TTLL11: variants seen among roughly 807,000 people sequenced by gnomAD.
TTLL11 encodes the protein tubulin polyglutamylase TTLL11.
A neutral mutation model predicts 51.7 loss-of-function variants in TTLL11; 42 were observed. The observed-to-expected ratio is 0.81, with a 90% CI of 0.64 to 1.05. TTLL11 has a LOEUF of 1.05. Ranked by LOEUF, TTLL11 falls within the 50% of genes least tolerant of loss-of-function variation. The pLI, the probability that TTLL11 is intolerant of heterozygous loss-of-function variation, is 0.00. For synonymous variants in TTLL11, 381 were observed against 383.5 expected, an observed-to-expected ratio of 0.99 and a Z score of 0.08; for missense variants, 799 against 940.4, an observed-to-expected ratio of 0.85 and a Z score of 1.97.
intron 8 of TTLL11, among the ~76,000 whole-genome samples, chr9:121,843,878 G>A (rs10985413): frequency 2.0e-5 from 3 of 151,966 alleles, no homozygotes; most frequent in African/African-American, 4.8e-5. Context: ...CTCACTGTGC[G>A]GCGTAAGCTG....
intron 1 of TTLL11, 33 bp from the exon 2 acceptor site, chr9:122,039,401 A>G (rs527402762): frequency 1.3e-6 from 2 of 1,562,068 alleles, no homozygotes; most frequent in Admixed American, 3.3e-5. Flanking sequence ...CGCAATAAGA[A>G]TAAGAAGAGC....
intron 8 of TTLL11, among the ~76,000 whole-genome samples, chr9:121,837,217 G>A (rs1837205069): frequency 7.0e-6 from 1 of 142,670 alleles, no homozygotes; most frequent in Admixed American, 6.9e-5. Context: ...TTCTTTTTTT[G>A]ATATTGTGAA....
chr9:122,016,628 A>G (rs563872765), intron 3 of TTLL11, among the ~76,000 whole-genome samples: 5 of 152,318 alleles, frequency 3.3e-5, no homozygotes, highest in Middle Eastern at 3.4e-3. Flanking sequence ...CAAATAATGC[A>G]CTTCATTCAG....
intron 8 of TTLL11, among the ~76,000 whole-genome samples, chr9:121,832,696 T>C (rs1369317688): frequency 6.6e-6 from 1 of 152,126 alleles, no homozygotes; most frequent in Non-Finnish European, 1.5e-5. Context: ...TCCCAGCACT[T>C]TGAGAGGCCA....
chr9:121,888,544 T>C (rs1196003497), intron 6 of TTLL11, among the ~76,000 whole-genome samples: 2 of 152,200 alleles, frequency 1.3e-5, no homozygotes, highest in Non-Finnish European at 2.9e-5. Flanking sequence ...AGCAACAGCA[T>C]GGGGCCAGGC....
intron 1 of TTLL11, among the ~76,000 whole-genome samples, chr9:122,044,972 G>A (rs747984377): frequency 1.1e-4 from 16 of 151,964 alleles, no homozygotes; most frequent in Non-Finnish European, 1.3e-4. Context: ...GCTGGGCATC[G>A]TGGCATGCCT....
intron 6 of TTLL11, among the ~76,000 whole-genome samples, chr9:121,882,028 C>T (rs7038220): frequency 0.47 from 71,367 of 152,062 alleles, 17,381 homozygotes; most frequent in East Asian, 0.84. Flanking sequence ...CTCCCTATGT[C>T]GCAGCATTGT....
intron 8 of TTLL11, among the ~76,000 whole-genome samples, chr9:121,835,306 G>A (rs1214102824): frequency 1.3e-5 from 2 of 152,120 alleles, no homozygotes; most frequent in African/African-American, 2.4e-5. Flanking sequence ...AGAAAGTGCT[G>A]AGCTCAGGGA....
At position 121,826,515 on chromosome 9, in the gene TTLL11, G is replaced by GTGTGTGTGTATATATATATGTGTGTATA. The variant is rs1424855550; in HGVS notation, c.1841-3637_1841-3636insTATACACACATATATATATACACACACA. 3.8e-4 allele frequency among the ~76,000 whole-genome samples: 13 copies of GTGTGTGTGTATATATATATGTGTGTATA among 34,452 alleles called. No individual in the cohort carries two copies. The East Asian group carries it at 9.3e-3, about 25-fold the overall frequency. 22.6% of individuals were successfully genotyped at this position (34,452 alleles called of 152,430 possible). On this transcript the variant is annotated intron_variant, in intron 8 of 8. Coordinates refer to ENST00000321582, the MANE Select transcript of TTLL11 (RefSeq NM_001139442.2). ...TATATGTGTGTGTATATATATATAT[G>GTGTGTGTGTATATATATATGTGTGTATA]TATATATATATATGTGTGTGTGTAT...
intron 6 of TTLL11, among the ~76,000 whole-genome samples, chr9:121,966,256 A>C (rs553482963): frequency 2.0e-5 from 3 of 152,300 alleles, no homozygotes; most frequent in South Asian, 2.1e-4. Flanking sequence ...TGTTCCAAAT[A>C]TATACCTCTG....
In TTLL11 at chr9:121,995,164, G is replaced by T. The variant is rs761494657; in HGVS notation, c.694-5394C>A. Among the ~76,000 whole-genome samples the T allele has an allele frequency of 6.6e-6, 1 of 152,170 alleles. No homozygotes were observed. Among genetic ancestry groups the T allele is most frequent in the Non-Finnish European group, 1.5e-5 (1 of 68,030 alleles). On this transcript the variant is annotated intron_variant, in intron 3 of 8. Transcript: ENST00000321582. The surrounding 1 kb of genome is among the most constrained non-coding windows in gnomAD (Gnocchi z 4.4). Reference sequence around the variant, plus strand: ...GCCCCCAAGGATGGCCAAGGCCCTCGCAATGGGCCAGATTATCCAGAGACA... The same window carrying T: ...GCCCCCAAGGATGGCCAAGGCCCTCTCAATGGGCCAGATTATCCAGAGACA...
At chr9:121,922,368 G>A (rs1210797986) in intron 6 of TTLL11, among the ~76,000 whole-genome samples, 1 of 152,156 alleles carries the variant, frequency 6.6e-6, no homozygotes, top group Admixed American at 6.5e-5. Flanking sequence ...AGGTGTCAAT[G>A]TTGAATTTTT....
At chr9:121,943,570 A>G (rs1473787100) in intron 6 of TTLL11, among the ~76,000 whole-genome samples, 3 of 152,224 alleles carry the variant, frequency 2.0e-5, no homozygotes, top group South Asian at 2.1e-4. Flanking sequence ...TCAGATCTTC[A>G]TGGTTGCTCA....
intron 1 of TTLL11, among the ~76,000 whole-genome samples, chr9:122,041,037 T>A (rs753598595): frequency 9.8e-5 from 15 of 152,304 alleles, no homozygotes; most frequent in Middle Eastern, 6.8e-3. Context: ...CAACACCTTG[T>A]CAGTGGGCAA....
chr9:121,940,419 C>A (rs759041087), intron 6 of TTLL11, among the ~76,000 whole-genome samples: 1 of 151,894 alleles, frequency 6.6e-6, no homozygotes, highest in African/African-American at 2.4e-5. Flanking sequence ...CTCACCACAA[C>A]CTCTGCCTCC....
intron 1 of TTLL11, among the ~76,000 whole-genome samples, chr9:122,083,809 C>T (rs1350076174): frequency 6.6e-6 from 1 of 150,422 alleles, no homozygotes; most frequent in Non-Finnish European, 1.5e-5. Context: ...GACTCTATCT[C>T]GAAAAAAAAG....
intron 6 of TTLL11, among the ~76,000 whole-genome samples, chr9:121,941,490 C>T (rs1014275794): frequency 2.6e-5 from 4 of 152,230 alleles, no homozygotes; most frequent in Non-Finnish European, 5.9e-5. Flanking sequence ...TTCTTTTCTT[C>T]TCCTGGAATC....
intron 3 of TTLL11, among the ~76,000 whole-genome samples, chr9:122,001,926 T>C (rs1295887631): frequency 6.6e-6 from 1 of 152,240 alleles, no homozygotes. Flanking sequence ...GAATTACTTG[T>C]ACATGCCTTT....
At position 121,816,498 on chromosome 9, in the gene TTLL11, A is replaced by G. The variant is rs1375059349; in HGVS notation, c.*6089T>C. On this transcript the variant is annotated 3_prime_UTR_variant, in exon 9 of 9. Transcript: ENST00000321582. ...CACCAGAAATGAGAAAAACATCGTAATTTTGCCATTTTCTACCAAAGCTCA... is the reference window on the plus strand; with the variant it reads ...CACCAGAAATGAGAAAAACATCGTAGTTTTGCCATTTTCTACCAAAGCTCA... 4 of 152,182 alleles carry G rather than the reference A, an allele frequency of 2.6e-5. No homozygotes were observed. The highest frequency in any genetic ancestry group is 4.4e-5 in the Non-Finnish European group (3 of 68,058). 9.4% of individuals were successfully genotyped at this position (152,182 alleles called of 1,614,324 possible).
Sources: allele counts gnomAD v4.1 joint callset (sites outside exome capture counted in the v4.1 genomes callset), GRCh38; gene constraint gnomAD v4.1.1; non-coding constraint Gnocchi (gnomAD v3.1); transcripts MANE v1.5; gene names NCBI Gene and HGNC (gene_info 2026-07-23, HGNC 2026-07-21).